Variants in ATP8A2 observed in about 807,000 individuals in gnomAD.
ATP8A2 encodes the protein phospholipid-transporting ATPase IB.
Under a neutral mutation model 165.6 loss-of-function variants are expected in ATP8A2, and 100 were observed. The ratio of observed to expected loss-of-function variants is 0.60; its 90% CI spans 0.51 to 0.71. The LOEUF (loss-of-function observed/expected upper bound fraction) is 0.71, where lower values mean the gene tolerates loss of function less well. Ranked by LOEUF, ATP8A2 falls within the 30% of genes least tolerant of loss-of-function variation. The pLI is 0.00. For missense variants in ATP8A2, 1,227 were observed against 1,479.5 expected, an observed-to-expected ratio of 0.83 and a Z score of 2.80; for synonymous variants, 543 against 548.8, an observed-to-expected ratio of 0.99 and a Z score of 0.15.
At chr13:25,678,759 C>T (rs1223031230) in intron 24 of ATP8A2, among the ~76,000 whole-genome samples, 1 of 152,200 alleles carries the variant, frequency 6.6e-6, no homozygotes, top group African/African-American at 2.4e-5. Flanking sequence ...CTCACTTGCT[C>T]CGTGACCTTG....
chr13:25,820,129 C>G (rs1951138143), intron 27 of ATP8A2, among the ~76,000 whole-genome samples: 1 of 152,172 alleles, frequency 6.6e-6, no homozygotes, highest in Non-Finnish European at 1.5e-5. Flanking sequence ...GTACAACCCG[C>G]CGAGGTTGGA....
chr13:25,434,323 C>T (rs7993275), intron 1 of ATP8A2, among the ~76,000 whole-genome samples: 4,371 of 152,034 alleles, frequency 0.029, 100 homozygotes, highest in South Asian at 0.11. Flanking sequence ...GCCTCTTTTT[C>T]TTATCCACTT....
intron 23 of ATP8A2, among the ~76,000 whole-genome samples, chr13:25,588,302 C>A (rs949859486): frequency 2.8e-4 from 42 of 152,268 alleles, no homozygotes; most frequent in African/African-American, 9.6e-4. Context: ...CTTCATTCCC[C>A]CAAAAACCCA....
chr13:25,639,286 C>T (rs1398215910), intron 24 of ATP8A2, among the ~76,000 whole-genome samples: 1 of 152,128 alleles, frequency 6.6e-6, no homozygotes, highest in Non-Finnish European at 1.5e-5. Context: ...CTGAATGCTC[C>T]AATTAAAAGG....
chr13:25,846,254 G>A (rs537852164), intron 30 of ATP8A2, among the ~76,000 whole-genome samples: 6 of 152,320 alleles, frequency 3.9e-5, no homozygotes, highest in South Asian at 2.1e-4. Context: ...ACAGTAGTGC[G>A]TTAATAGAGG....
intron 35 of ATP8A2, among the ~76,000 whole-genome samples, chr13:26,000,226 C>T (rs1194955539): frequency 2.6e-5 from 4 of 152,122 alleles, no homozygotes; most frequent in Non-Finnish European, 5.9e-5. Context: ...GCAGACTGCC[C>T]AGTAGCTAAT....
Position 25,897,499 on chromosome 13 carries a change from A to T in ATP8A2, c.3183+35091A>T, listed in dbSNP as rs570788712. Among the ~76,000 whole-genome samples, 1,427 of 152,108 alleles carry T rather than the reference A, an allele frequency of 9.4e-3. 19 individuals carry two copies. Among genetic ancestry groups the T allele is most frequent in the African/African-American group, 0.033 (1,380 of 41,446 alleles). On this transcript the variant is annotated intron_variant, in intron 33 of 36. Coordinates refer to ENST00000381655, the MANE Select transcript of ATP8A2 (RefSeq NM_016529.6). ...TTCATTTCAACTTTTGGTGAATGTG[A>T]CAATTATGTGTCTTGAAGTTGCTCT...
At chr13:25,937,874 C>G (rs7331673) in intron 33 of ATP8A2, among the ~76,000 whole-genome samples, 1 of 138,630 alleles carries the variant, frequency 7.2e-6, no homozygotes, top group Non-Finnish European at 1.5e-5. Flanking sequence ...AAAAAAAAGA[C>G]CAAAGACATA....
In ATP8A2 at chr13:25,533,462, C is replaced by T. The variant is rs1320903024; in HGVS notation, c.507+149C>T. On this transcript the variant is annotated intron_variant, in intron 6 of 36. Coordinates refer to ENST00000381655, the MANE Select transcript of ATP8A2 (RefSeq NM_016529.6). ...GACCTGATGCGTGTTTACTCCTTCC[C>T]TTGCACCTTCTAGTAAGGGCCCAAT... 6.0e-6 allele frequency: 3 copies of T among 497,226 alleles called. No homozygotes were observed. In the African/African-American group the frequency reaches 6.1e-5, roughly 10 times the overall value. The allele number at this position is 497,226 out of a possible 1,614,324, so 30.8% of individuals were successfully genotyped here. A position where few individuals can be genotyped will look rare whatever the true frequency, so the allele number is the denominator to read the frequency against.
chr13:25,993,978 T>C (rs1956443712), intron 35 of ATP8A2, among the ~76,000 whole-genome samples: 1 of 152,182 alleles, frequency 6.6e-6, no homozygotes. Context: ...ATGGTAAGTC[T>C]CTCCATTTGT....
intron 33 of ATP8A2, among the ~76,000 whole-genome samples, chr13:25,866,100 A>G (rs1038589208): frequency 2.6e-5 from 4 of 151,418 alleles, no homozygotes; most frequent in South Asian, 4.1e-4. Context: ...TTGATCCTAG[A>G]CCAGGTCAGG....
intron 1 of ATP8A2, among the ~76,000 whole-genome samples, chr13:25,382,049 A>G (rs1379837350): frequency 2.0e-5 from 3 of 152,150 alleles, no homozygotes; most frequent in African/African-American, 7.2e-5. Flanking sequence ...GAAGAGTTTC[A>G]CTGCCCTAAA....
At chr13:25,776,280 C>G (rs1040042976) in intron 27 of ATP8A2, among the ~76,000 whole-genome samples, 7 of 152,182 alleles carry the variant, frequency 4.6e-5, no homozygotes, top group Non-Finnish European at 1.0e-4. Context: ...AGGAATGTTC[C>G]AAGCAATCAA....
At chr13:25,599,774 G>A (rs1170064563) in intron 24 of ATP8A2, among the ~76,000 whole-genome samples, 1 of 152,204 alleles carries the variant, frequency 6.6e-6, no homozygotes, top group Non-Finnish European at 1.5e-5. Flanking sequence ...GGCAAGGAAA[G>A]CCATTGAATG....
intron 11 of ATP8A2, among the ~76,000 whole-genome samples, chr13:25,552,202 G>A (rs1240594959): frequency 6.6e-6 from 1 of 152,090 alleles, no homozygotes; most frequent in Non-Finnish European, 1.5e-5. Flanking sequence ...GGACAGGCTA[G>A]CCTCGAACTC....
chr13:25,994,259 T>C (rs991808559), intron 35 of ATP8A2, among the ~76,000 whole-genome samples: 1 of 152,044 alleles, frequency 6.6e-6, no homozygotes. Context: ...TATATATACA[T>C]ATTTATGTGT....
intron 15 of ATP8A2, among the ~76,000 whole-genome samples, chr13:25,562,368 C>G (rs943204277): frequency 6.6e-6 from 1 of 152,048 alleles, no homozygotes; most frequent in African/African-American, 2.4e-5. Flanking sequence ...TTTCTGTTTC[C>G]CTTATAAATG....
intron 33 of ATP8A2, among the ~76,000 whole-genome samples, chr13:25,915,849 A>C (rs1954255530): frequency 6.6e-6 from 1 of 152,246 alleles, no homozygotes. Flanking sequence ...AGTGAATTGC[A>C]ATGAACTCTA....
intron 2 of ATP8A2, among the ~76,000 whole-genome samples, chr13:25,497,262 G>A (rs1170361196): frequency 6.6e-6 from 1 of 152,172 alleles, no homozygotes; most frequent in East Asian, 1.9e-4. Flanking sequence ...TGTGAAATTT[G>A]TAGGCTTCAT....
Sources: allele counts gnomAD v4.1 joint callset (sites outside exome capture counted in the v4.1 genomes callset), GRCh38; gene constraint gnomAD v4.1.1; transcripts MANE v1.5; gene names NCBI Gene and HGNC (gene_info 2026-07-23, HGNC 2026-07-21).